Variants in AGXT observed in about 807,000 individuals in gnomAD.
AGXT encodes the protein alanine--glyoxylate aminotransferase, also known as L-alanine: glyoxylate aminotransferase 1.
Under a neutral mutation model 46.9 loss-of-function variants are expected in AGXT, and 41 were observed. That is an observed-to-expected ratio of 0.88 (90% CI 0.68 to 1.14). AGXT has a LOEUF of 1.14. Ranked by LOEUF, AGXT falls within the 50% of genes most tolerant of loss-of-function variation. AGXT has a pLI of 0.00. For missense variants in AGXT, 525 were observed against 522.7 expected, an observed-to-expected ratio of 1.00 and a Z score of -0.04; for synonymous variants, 244 against 227.9, an observed-to-expected ratio of 1.07 and a Z score of -0.64.
intron 10 of AGXT, 61 bp downstream of exon 10, chr2:240,878,211 A>G (rs1251379720): frequency 1.9e-6 from 3 of 1,602,038 alleles, no homozygotes; most frequent in Non-Finnish European, 2.5e-6. Flanking sequence ...CTCCTTGAGC[A>G]GGACTGTGCA....
In AGXT at chr2:240,874,065, G is replaced by A. The variant is rs1559569953; in HGVS notation, c.680+3G>A. On this transcript the variant is annotated splice_donor_region_variant and intron_variant, in intron 6 of 10. Coordinates refer to ENST00000307503, the MANE Select transcript of AGXT (RefSeq NM_000030.3). The stretch of plus-strand genomic sequence containing the variant: ...ATCTCCTTCAGTGACAAGGCCAAGT[G>A]AGTGACCCACAGACCCTCACCTCTG... The A allele has an allele frequency of 6.2e-7, 1 of 1,613,320 alleles. No homozygotes were observed. The highest frequency in any genetic ancestry group is 1.1e-5 in the South Asian group (1 of 91,082).
chr2:240,875,712 AC>A (rs763435352), intron 7 of AGXT, among the ~76,000 whole-genome samples: 19 of 152,224 alleles, frequency 1.2e-4, no homozygotes, highest in South Asian at 4.2e-4. Flanking sequence ...TCCTGCAGCC[AC>A]CCACTGCCTC....
intron 6 of AGXT, 83 bp from the exon 7 acceptor site, chr2:240,875,026 G>A (rs1018616404): frequency 3.1e-5 from 41 of 1,309,174 alleles, no homozygotes; most frequent in African/African-American, 1.2e-4. Flanking sequence ...TCTCACTCCC[G>A]TGAAACAGGA....
chr2:240,870,585 C>T, intron 2 of AGXT, 59 bp from the exon 3 acceptor site: 1 of 1,539,992 alleles, frequency 6.5e-7, no homozygotes, highest in Non-Finnish European at 8.8e-7. Context: ...CACGGGTGCC[C>T]AACACTGGCT....
Position 240,869,351 on chromosome 2 carries a change from G to A in AGXT, c.347G>A (p.Gly116Glu). The A allele has an allele frequency of 6.3e-7, 1 of 1,597,032 alleles. No individual in the cohort carries two copies. The highest frequency in any genetic ancestry group is 8.5e-7 in the Non-Finnish European group (1 of 1,170,592). ...TGGGGGCAGCGAGCCGTGGACATCG[G>A]GGAGCGCATAGGTAAGGGAGAGGCC... is the stretch of plus-strand genomic sequence containing the variant. ...GIWGQRAVDIGERIGARVHPM... is the reference protein window; with the variant it reads ...GIWGQRAVDIEERIGARVHPM... The change falls in exon 2 of 11, where the codon GGG (glycine) becomes GAG (glutamate). Residue 116 changes from glycine to glutamate, a missense_variant. Physicochemically the swap from Gly to Glu is moderately conservative, Grantham distance 98. Coordinates refer to ENST00000307503, the MANE Select transcript of AGXT (RefSeq NM_000030.3).
Position 240,871,444 on chromosome 2 carries a change from C to A in AGXT, c.519C>A (p.Cys173Ter), listed in dbSNP as rs180177232. 1 of 1,586,436 alleles carries A rather than the reference C, an allele frequency of 6.3e-7. No individual in the cohort carries two copies. The highest frequency in any genetic ancestry group is 8.6e-7 in the Non-Finnish European group (1 of 1,166,858). ...LQPLDGFGEL[C>*]HRYKCLLLVD... ...CCCTTGATGGCTTCGGGGAACTCTG[C>A]CACAGGTGAGCCTGGCCCCAGGGCG... Residue 173 changes from cysteine (C) to a stop codon, truncating the protein, a stop_gained, in exon 4 of 11, where the codon TGC becomes TGA. Coordinates refer to ENST00000307503, the MANE Select transcript of AGXT (RefSeq NM_000030.3). LOFTEE classifies it high-confidence loss of function.
rs117619103 is a variant in AGXT, at chr2:240,874,137, G to A, written c.680+75G>A. 7,047 of 1,469,494 alleles carry A rather than the reference G, an allele frequency of 4.8e-3. 199 individuals are homozygous for A. The East Asian group carries it at 0.076, about 16-fold the overall frequency. The allele number at this position is 1,469,494 out of a possible 1,614,324, so 91.0% of individuals were successfully genotyped here. Reference sequence around the variant, plus strand: ...AGCTCAGGTGGCCCGAGGCGGGAGGGGCGGGAGCCAGGCAGGAAGGGCTCC... The same window carrying A: ...AGCTCAGGTGGCCCGAGGCGGGAGGAGCGGGAGCCAGGCAGGAAGGGCTCC... On this transcript the variant is annotated intron_variant, in intron 6 of 10. Coordinates refer to ENST00000307503, the MANE Select transcript of AGXT (RefSeq NM_000030.3).
rs180177190 is a variant in AGXT at position 240,869,285 on chromosome 2, T to TGGA, written c.283_285dup (p.Glu95dup). Reference sequence around the variant, plus strand: ...CTGGAGGCCGCCCTGGTCAATGTGCTGGAGCCTGGGGACTCCTTCCTGGTT... The same window carrying TGGA: ...CTGGAGGCCGCCCTGGTCAATGTGCTGGAGGAGCCTGGGGACTCCTTCCTGGTT... On this transcript the variant is annotated inframe_insertion, in exon 2 of 11. Transcript: ENST00000307503. The TGGA allele has an allele frequency of 1.9e-6, 3 of 1,613,596 alleles. No individual in the cohort carries two copies. The highest frequency in any genetic ancestry group is 2.5e-6 in the Non-Finnish European group (3 of 1,179,888).
intron 8 of AGXT, 44 bp from the exon 9 acceptor site, chr2:240,877,493 C>A: frequency 6.7e-7 from 1 of 1,501,526 alleles, no homozygotes; most frequent in South Asian, 1.2e-5. Context: ...GCTTCCTGCC[C>A]ACCCCACCCA....
Position 240,878,873 on chromosome 2 carries a change from C to G in AGXT, c.*52C>G, listed in dbSNP as rs547538869. On this transcript the variant is annotated 3_prime_UTR_variant, in exon 11 of 11. Transcript: ENST00000307503. ...TGGCACACACCTGTCCCATGCCCAC[C>G]CTGAGGGATCAGGAGCAAACAGACC... 5.8e-5 allele frequency: 87 copies of G among 1,505,432 alleles called. No individual in the cohort carries two copies. Among genetic ancestry groups the G allele is most frequent in the Middle Eastern group, 3.4e-4 (2 of 5,948 alleles). The allele number at this position is 1,505,432 out of a possible 1,614,324, so 93.3% of individuals were successfully genotyped here.
Position 240,877,759 on chromosome 2 carries a change from C to T in AGXT, c.942+127C>T, listed in dbSNP as rs111576306. The T allele has an allele frequency of 0.11, 121,738 of 1,123,248 alleles. 8,095 individuals are homozygous for T. The highest frequency in any genetic ancestry group is 0.29 in the African/African-American group (18,531 of 63,628). The allele number at this position is 1,123,248 out of a possible 1,614,324, so 69.6% of individuals were successfully genotyped here. On this transcript the variant is annotated intron_variant, in intron 9 of 10. Coordinates refer to ENST00000307503, the MANE Select transcript of AGXT (RefSeq NM_000030.3). The stretch of plus-strand genomic sequence containing the variant: ...GGGCGGCTGCCCGGTGGTGTGGCCT[C>T]GGTGCCAGGGATTAGTCTCGGCAGG...
chr2:240,869,095 G>A (rs139677440), intron 1 of AGXT, 65 bp downstream of exon 1: 16 of 1,611,784 alleles, frequency 9.9e-6, no homozygotes, highest in African/African-American at 6.7e-5. Flanking sequence ...GATCGTGGAC[G>A]AGGGAAGGGG....
At chr2:240,869,452 C>G (rs1404843232) in intron 2 of AGXT, 90 bp downstream of exon 2, 2 of 1,413,354 alleles carry the variant, frequency 1.4e-6, no homozygotes, top group Non-Finnish European at 1.9e-6. Flanking sequence ...AGCCCCCGTT[C>G]CTGGGTGAGC....
chr2:240,877,993 C>G (rs1397932042), intron 9 of AGXT, 29 bp from the exon 10 acceptor site: 1 of 1,607,302 alleles, frequency 6.2e-7, no homozygotes, highest in Admixed American at 1.7e-5. Context: ...GGCCTCTCAC[C>G]CACGCACTGA....
At chr2:240,870,226 C>T (rs932741469) in intron 2 of AGXT, among the ~76,000 whole-genome samples, 1 of 152,148 alleles carries the variant, frequency 6.6e-6, no homozygotes, top group Non-Finnish European at 1.5e-5. Flanking sequence ...GCTGCTGCCT[C>T]ACTCACCCCT....
rs764625301 is a variant in AGXT at position 240,874,101 on chromosome 2, G to A, written c.680+39G>A. On this transcript the variant is annotated intron_variant, in intron 6 of 10. Coordinates refer to ENST00000307503, the MANE Select transcript of AGXT (RefSeq NM_000030.3). The stretch of plus-strand genomic sequence containing the variant: ...AGACCCTCACCTCTGTGCAGGGCTG[G>A]GCTTGCAGGGAGCTCAGGTGGCCCG... The A allele has an allele frequency of 5.0e-6, 8 of 1,602,026 alleles. No individual in the cohort carries two copies. In the South Asian group the frequency reaches 7.7e-5, roughly 15 times the overall value.
rs755837482 is a variant in AGXT, at chr2:240,874,066, AGT to A, written c.680+6_680+7del. 5 of 1,613,060 alleles carry A rather than the reference AGT, an allele frequency of 3.1e-6. No homozygotes were observed. The highest frequency in any genetic ancestry group is 4.2e-6 in the Non-Finnish European group (5 of 1,179,626). On this transcript the variant is annotated splice_donor_5th_base_variant and intron_variant, in intron 6 of 10. Transcript: ENST00000307503. ...TCTCCTTCAGTGACAAGGCCAAGTG[AGT>A]GACCCACAGACCCTCACCTCTGTGC...
At chr2:240,874,779 G>A (rs1187228333) in intron 6 of AGXT, among the ~76,000 whole-genome samples, 4 of 152,262 alleles carry the variant, frequency 2.6e-5, no homozygotes, top group Non-Finnish European at 4.4e-5. Context: ...GGGCCCGAAA[G>A]CAGTCACCTT....
intron 5 of AGXT, 67 bp from the exon 6 acceptor site, chr2:240,873,911 G>T: frequency 2.1e-6 from 3 of 1,416,618 alleles, no homozygotes; most frequent in Non-Finnish European, 2.0e-6. Flanking sequence ...AGCTAGGCAG[G>T]CATCCCGCTG....
Sources: allele counts gnomAD v4.1 joint callset (sites outside exome capture counted in the v4.1 genomes callset), GRCh38; gene constraint gnomAD v4.1.1; transcripts MANE v1.5; gene names NCBI Gene and HGNC (gene_info 2026-07-23, HGNC 2026-07-21).